Variants in SEMA3A observed in about 807,000 individuals in gnomAD.
SEMA3A encodes the protein semaphorin-3A.
SEMA3A carries 29 observed loss-of-function variants against 97.9 expected under a neutral mutation model. The observed-to-expected ratio is 0.30, with a 90% CI of 0.22 to 0.40. The LOEUF is 0.40. Ranked by LOEUF, SEMA3A falls within the 10% of genes least tolerant of loss-of-function variation. The pLI is 1.00. For synonymous variants in SEMA3A, 321 were observed against 323.7 expected, an observed-to-expected ratio of 0.99 and a Z score of 0.09; for missense variants, 763 against 951.3, an observed-to-expected ratio of 0.80 and a Z score of 2.60.
intron 1 of SEMA3A, among the ~76,000 whole-genome samples, chr7:84,141,146 T>C (rs1490485709): frequency 6.6e-6 from 1 of 152,164 alleles, no homozygotes; most frequent in Non-Finnish European, 1.5e-5. Flanking sequence ...TGTCATTGCG[T>C]AGATGGGGCC....
intron 9 of SEMA3A, among the ~76,000 whole-genome samples, chr7:84,009,905 C>CAAAAAAAAAA (rs3074687): frequency 2.2e-5 from 2 of 91,702 alleles, no homozygotes; most frequent in African/African-American, 8.7e-5. Context: ...ACACTGGTTA[C>CAAAAAAAAAA]AAAAAAAAAA....
chr7:84,404,823 A>C lies in SEMA3A; in HGVS notation c.-245-32923T>G, dbSNP rs540736155. 1.5e-4 allele frequency among the ~76,000 whole-genome samples: 23 copies of C among 150,328 alleles called. No individual in the cohort carries two copies. The South Asian group carries it at 2.5e-3, about 17-fold the overall frequency. On this transcript the variant is annotated intron_variant, in intron 1 of 3. Transcript: ENST00000424555. ...TTCATAAGTGAAGGAGAAATAAAAT[A>C]CTTTACAGACAAGCAAATGCTGAGA...
rs573052563 is a variant in SEMA3A at position 84,368,409 on chromosome 7, A to G, written c.-169+3415T>C. Among the ~76,000 whole-genome samples, 4 of 151,194 alleles carry G rather than the reference A, an allele frequency of 2.6e-5. No individual in the cohort carries two copies. The East Asian group carries it at 7.8e-4, about 29-fold the overall frequency. ...AAACATGTTATTTATCTTTGTAATGAGGTTTACAAGGATAAAGATAATTTT... is the reference window on the plus strand; with the variant it reads ...AAACATGTTATTTATCTTTGTAATGGGGTTTACAAGGATAAAGATAATTTT... On this transcript the variant is annotated intron_variant, in intron 2 of 3. Coordinates refer to the SEMA3A transcript ENST00000424555.
At chr7:84,087,214 A>C (rs1794409442) in intron 4 of SEMA3A, among the ~76,000 whole-genome samples, 1 of 152,142 alleles carries the variant, frequency 6.6e-6, no homozygotes, top group South Asian at 2.1e-4. Flanking sequence ...ACTCATAAGG[A>C]TCTGAGTTCA....
At chr7:84,333,870 A>T (rs1801965651) in intron 2 of SEMA3A, among the ~76,000 whole-genome samples, 2 of 103,842 alleles carry the variant, frequency 1.9e-5, no homozygotes, top group South Asian at 6.4e-4. Flanking sequence ...TTACTTTTGA[A>T]TTTGCCATTG....
In SEMA3A at chr7:84,057,884, G is replaced by T. The variant is rs138349626; in HGVS notation, c.547+2581C>A. Among the ~76,000 whole-genome samples, 134 of 152,270 alleles carry T rather than the reference G, an allele frequency of 8.8e-4. 2 individuals carry two copies. In the Middle Eastern group the frequency reaches 0.027, roughly 31 times the overall value. On this transcript the variant is annotated intron_variant, in intron 5 of 16. Transcript: ENST00000265362. Reference sequence around the variant, plus strand: ...TTTTGGTTTGAAAAACTTAGGACATGTTCTTGGATTTGGGGACTTCATTCA... The same window carrying T: ...TTTTGGTTTGAAAAACTTAGGACATTTTCTTGGATTTGGGGACTTCATTCA...
intron 14 of SEMA3A, among the ~76,000 whole-genome samples, chr7:83,980,880 A>T (rs772835158): frequency 6.6e-6 from 1 of 152,140 alleles, no homozygotes; most frequent in Non-Finnish European, 1.5e-5. Flanking sequence ...TAATATTTTC[A>T]AAACTAGAAA....
intron 6 of SEMA3A, among the ~76,000 whole-genome samples, chr7:84,019,179 T>G (rs549523814): frequency 1.4e-5 from 2 of 141,714 alleles, no homozygotes. Flanking sequence ...ATTTGAATAA[T>G]TGCTTGTAGA....
intron 15 of SEMA3A, among the ~76,000 whole-genome samples, chr7:83,971,493 G>A (rs1166804801): frequency 8.6e-5 from 13 of 150,302 alleles, no homozygotes; most frequent in Admixed American, 8.0e-4. Flanking sequence ...GCAAATAAAA[G>A]TCTACAGTAT....
chr7:84,045,857 T>A (rs1792326640), intron 6 of SEMA3A, among the ~76,000 whole-genome samples: 1 of 151,886 alleles, frequency 6.6e-6, no homozygotes, highest in South Asian at 2.1e-4. Flanking sequence ...TTAAAAGACA[T>A]TTGAAATTTT....
At chr7:84,078,769 C>T (rs955231099) in intron 4 of SEMA3A, among the ~76,000 whole-genome samples, 2 of 151,858 alleles carry the variant, frequency 1.3e-5, no homozygotes, top group African/African-American at 2.4e-5. Context: ...TATATACACA[C>T]ATACTGCTAT....
Position 84,316,815 on chromosome 7 carries a change from G to A in SEMA3A, c.-168-9523C>T, listed in dbSNP as rs534592469. 3.9e-5 allele frequency among the ~76,000 whole-genome samples: 6 copies of A among 152,054 alleles called. No individual in the cohort carries two copies. The South Asian group carries it at 1.2e-3, about 32-fold the overall frequency. ...AAAGGACAAGGAGAGGTTGCGGGGCGCCCACAATCAAGCCGATTAAACTGC... is the reference window on the plus strand; with the variant it reads ...AAAGGACAAGGAGAGGTTGCGGGGCACCCACAATCAAGCCGATTAAACTGC... On this transcript the variant is annotated intron_variant, in intron 2 of 3. Coordinates refer to the SEMA3A transcript ENST00000424555.
At chr7:84,200,601 T>A (rs1163587638) in intron 3 of SEMA3A, among the ~76,000 whole-genome samples, 4 of 152,114 alleles carry the variant, frequency 2.6e-5, no homozygotes, top group Admixed American at 6.5e-5. Flanking sequence ...TCTTTTCTTT[T>A]GTCTTCTTAA....
chr7:84,394,048 G>C (rs916865), intron 1 of SEMA3A, among the ~76,000 whole-genome samples: 26,613 of 151,984 alleles, frequency 0.18, 2,465 homozygotes, highest in Middle Eastern at 0.22. Context: ...AGAGCTGGCT[G>C]GTGTCACTTT....
chr7:83,989,481 C>T (rs1223626132), intron 12 of SEMA3A, among the ~76,000 whole-genome samples: 2 of 127,532 alleles, frequency 1.6e-5, no homozygotes, highest in African/African-American at 5.9e-5. Context: ...CCCCACCCCA[C>T]CACAGTCTCC....
chr7:84,479,517 A>G lies in SEMA3A; in HGVS notation c.-246+12943T>C, dbSNP rs536987548. Among the ~76,000 whole-genome samples the G allele has an allele frequency of 5.3e-5, 8 of 152,326 alleles. No homozygotes were observed. In the South Asian group the frequency reaches 1.4e-3, roughly 28 times the overall value. ...GTGTTAAAAATGCTTAGTATCTAGC[A>G]GAGAATAGAACTAGATATGGAAATA... On this transcript the variant is annotated intron_variant, in intron 1 of 3. Transcript: ENST00000424555.
intron 11 of SEMA3A, among the ~76,000 whole-genome samples, chr7:84,004,340 T>C (rs1265869333): frequency 6.6e-6 from 1 of 152,168 alleles, no homozygotes; most frequent in Non-Finnish European, 1.5e-5. Flanking sequence ...CTGTTTCTAA[T>C]TATGGAATTA....
At chr7:84,340,796 A>AC (rs1319386034) in intron 2 of SEMA3A, among the ~76,000 whole-genome samples, 1 of 126,828 alleles carries the variant, frequency 7.9e-6, no homozygotes, top group Admixed American at 8.4e-5. Flanking sequence ...AAAAAAAAAA[A>AC]AATCAAAATA....
At chr7:84,256,768 C>A (rs1181921479) in intron 3 of SEMA3A, among the ~76,000 whole-genome samples, 1 of 151,970 alleles carries the variant, frequency 6.6e-6, no homozygotes, top group East Asian at 1.9e-4. Flanking sequence ...TATTTTTAAA[C>A]TTGTTTATGA....
Sources: gnomAD v4.1 joint callset for allele counts (sites outside exome capture counted in the v4.1 genomes callset) on GRCh38, gnomAD v4.1.1 for gene constraint, MANE v1.5 for transcripts, NCBI Gene and HGNC (gene_info 2026-07-23, HGNC 2026-07-21) for gene names.